The following DCAF10 variants were observed in gnomAD, a reference collection of about 807,000 sequenced individuals.
DCAF10 encodes the protein DDB1- and CUL4-associated factor 10.
DCAF10 carries 19 observed loss-of-function variants against 51.9 expected under a neutral mutation model. That is an observed-to-expected ratio of 0.37 (90% confidence interval 0.26 to 0.54). The LOEUF (loss-of-function observed/expected upper bound fraction) is 0.54. Ranked by LOEUF, DCAF10 falls within the 20% of genes least tolerant of loss-of-function variation. The pLI is 0.87. For missense variants in DCAF10, 510 were observed against 730.6 expected, an observed-to-expected ratio of 0.70 and a Z score of 3.48; for synonymous variants, 291 against 297.1, an observed-to-expected ratio of 0.98 and a Z score of 0.21.
chr9:37,847,817 T>TC, intron 3 of DCAF10, among the ~76,000 whole-genome samples: 2 of 152,194 alleles, frequency 1.3e-5, no homozygotes, highest in Non-Finnish European at 2.9e-5. Flanking sequence ...ATTCACAAGA[T>TC]ATACAATCAA....
chr9:37,806,248 T>C (rs872778), intron 1 of DCAF10, among the ~76,000 whole-genome samples: 27,944 of 152,158 alleles, frequency 0.18, 2,865 homozygotes, highest in African/African-American at 0.26. Context: ...ACAGTTACTG[T>C]CCCAAGCCTG....
intron 5 of DCAF10, chr9:37,858,413 T>G (rs1287608126): frequency 1.3e-5 from 2 of 152,238 alleles, no homozygotes; most frequent in African/African-American, 4.8e-5. Flanking sequence ...AGTCAAGGCT[T>G]CTAATAATCA....
chr9:37,809,565 G>A (rs1389031536), intron 1 of DCAF10, among the ~76,000 whole-genome samples: 2 of 152,262 alleles, frequency 1.3e-5, no homozygotes, highest in African/African-American at 4.8e-5. Flanking sequence ...TCGGCACAGT[G>A]GCTCACACCT....
rs1389578908 is a variant in DCAF10, at chr9:37,862,379, C to A, written c.*871C>A. The A allele has an allele frequency of 6.6e-6, 1 of 152,192 alleles. No individual in the cohort carries two copies. Among genetic ancestry groups the A allele is most frequent in the Non-Finnish European group, 1.5e-5 (1 of 68,006 alleles). The allele number at this position is 152,192 out of a possible 1,614,324, so 9.4% of individuals were successfully genotyped here. A position where few individuals can be genotyped will look rare whatever the true frequency, so the allele number is the denominator to read the frequency against. On this transcript the variant is annotated 3_prime_UTR_variant, in exon 7 of 7. Transcript: ENST00000377724. The stretch of plus-strand genomic sequence containing the variant: ...ATATCTGGCCATAGAGTGATAAGAA[C>A]AATATGACTTAGATTTTCTGTATTT...
chr9:37,831,112 A>C (rs921620737), intron 2 of DCAF10, among the ~76,000 whole-genome samples: 1 of 152,050 alleles, frequency 6.6e-6, no homozygotes, highest in African/African-American at 2.4e-5. Flanking sequence ...AGTCCCAGCT[A>C]CTCGGGAGGC....
chr9:37,801,436 C>G lies in DCAF10; in HGVS notation c.539+31C>G, dbSNP rs181616247. 2 of 1,406,624 alleles carry G rather than the reference C, an allele frequency of 1.4e-6. No individual in the cohort carries two copies. The highest frequency in any genetic ancestry group is 3.0e-5 in the African/African-American group (2 of 66,592). The allele number at this position is 1,406,624 out of a possible 1,614,324, so 87.1% of individuals were successfully genotyped here. On this transcript the variant is annotated intron_variant, in intron 1 of 6. Transcript: ENST00000377724. The surrounding 1 kb of genome is among the most constrained non-coding windows in gnomAD (Gnocchi z 5.5). ...CGCGGCCCCTCGGAGGGCGGGCGCC[C>G]GCCTCCGCCCGGCTCTGCTGCCAGC...
intron 2 of DCAF10, among the ~76,000 whole-genome samples, chr9:37,828,106 T>C (rs1829905224): frequency 6.6e-6 from 1 of 152,162 alleles, no homozygotes; most frequent in African/African-American, 2.4e-5. Flanking sequence ...CAGGCTGGTC[T>C]GACGCTGCTG....
Position 37,861,063 on chromosome 9 carries a change from G to A in DCAF10, c.1312-77G>A. On this transcript the variant is annotated intron_variant, in intron 6 of 6. Coordinates refer to ENST00000377724, the MANE Select transcript of DCAF10 (RefSeq NM_024345.5). The surrounding 1 kb of genome is among the most constrained non-coding windows in gnomAD (Gnocchi z 4.9). Reference sequence around the variant, plus strand: ...TTCTGTGGCTTTGGCAATCTGTTGAGCTTTTTAAAAATAAGGAATATCTGT... The same window carrying A: ...TTCTGTGGCTTTGGCAATCTGTTGAACTTTTTAAAAATAAGGAATATCTGT... The A allele has an allele frequency of 2.0e-6, 3 of 1,499,610 alleles. No homozygotes were observed. Among genetic ancestry groups the A allele is most frequent in the South Asian group, 1.3e-5 (1 of 74,184 alleles). The allele number at this position is 1,499,610 out of a possible 1,614,324, so 92.9% of individuals were successfully genotyped here. A position where few individuals can be genotyped will look rare whatever the true frequency, so the allele number is the denominator to read the frequency against.
intron 2 of DCAF10, among the ~76,000 whole-genome samples, chr9:37,834,003 G>C (rs926608858): frequency 1.3e-5 from 2 of 151,902 alleles, no homozygotes; most frequent in African/African-American, 4.8e-5. Context: ...GCAGTGGTGC[G>C]ATCTCGGCTC....
At chr9:37,860,449 GT>G in intron 6 of DCAF10, 1 of 351,020 alleles carries the variant, frequency 2.8e-6, no homozygotes, top group Non-Finnish European at 5.1e-6. Context: ...CATCAGCTCA[GT>G]TTTTGCCCAG....
chr9:37,823,527 C>A (rs1829765417), intron 2 of DCAF10, among the ~76,000 whole-genome samples: 1 of 151,714 alleles, frequency 6.6e-6, no homozygotes, highest in East Asian at 1.9e-4. Context: ...AACTGTTAAT[C>A]CAGACTAAAG....
chr9:37,835,866 G>C (rs994359431), intron 2 of DCAF10, among the ~76,000 whole-genome samples: 9 of 152,186 alleles, frequency 5.9e-5, no homozygotes, highest in Admixed American at 2.6e-4. Flanking sequence ...TCACAGGTTT[G>C]GTGAAATCCT....
chr9:37,828,691 T>G (rs1829923704), intron 2 of DCAF10, among the ~76,000 whole-genome samples: 1 of 152,046 alleles, frequency 6.6e-6, no homozygotes, highest in Non-Finnish European at 1.5e-5. Context: ...CAATGGAATA[T>G]CCCAAAAACA....
rs1232997398 is a variant in DCAF10, at chr9:37,863,484, A to T, written c.*1976A>T. On this transcript the variant is annotated 3_prime_UTR_variant, in exon 7 of 7. Transcript: ENST00000377724. Reference sequence around the variant, plus strand: ...TGGAATCATTTGCATTATTTGACAAATGAGAGAAGTGACATGACTTGCCTA... The same window carrying T: ...TGGAATCATTTGCATTATTTGACAATTGAGAGAAGTGACATGACTTGCCTA... 2 of 152,200 alleles carry T rather than the reference A, an allele frequency of 1.3e-5. No homozygotes were observed. The highest frequency in any genetic ancestry group is 4.8e-5 in the African/African-American group (2 of 41,456). The allele number at this position is 152,200 out of a possible 1,614,324, so 9.4% of individuals were successfully genotyped here. A position where few individuals can be genotyped will look rare whatever the true frequency, so the allele number is the denominator to read the frequency against.
At chr9:37,838,025 G>GA (rs940763739) in intron 2 of DCAF10, among the ~76,000 whole-genome samples, 33 of 131,268 alleles carry the variant, frequency 2.5e-4, no homozygotes, top group Admixed American at 3.0e-4. Flanking sequence ...CCTGTCTCAA[G>GA]AAAAAAAAAA....
intron 3 of DCAF10, among the ~76,000 whole-genome samples, chr9:37,849,582 T>TA (rs965408481): frequency 8.5e-5 from 13 of 152,140 alleles, no homozygotes; most frequent in African/African-American, 2.2e-4. Flanking sequence ...ACCTCATCTC[T>TA]AAAAAAATTT....
chr9:37,805,332 A>C (rs1829079645), intron 1 of DCAF10, among the ~76,000 whole-genome samples: 1 of 152,012 alleles, frequency 6.6e-6, no homozygotes, highest in Admixed American at 6.6e-5. Flanking sequence ...AAATACAAAA[A>C]AATTAGCCTG....
chr9:37,845,039 T>C (rs1240891932), intron 3 of DCAF10, among the ~76,000 whole-genome samples: 1 of 152,190 alleles, frequency 6.6e-6, no homozygotes, highest in Non-Finnish European at 1.5e-5. Context: ...CACAAACCAT[T>C]TTCCCTGTTC....
intron 1 of DCAF10, among the ~76,000 whole-genome samples, chr9:37,812,612 G>T (rs7039022): frequency 6.6e-6 from 1 of 152,118 alleles, no homozygotes; most frequent in Non-Finnish European, 1.5e-5. Flanking sequence ...ATAAATATGC[G>T]TGTAAATCAA....
Sources: allele counts gnomAD v4.1 joint callset (sites outside exome capture counted in the v4.1 genomes callset), GRCh38; gene constraint gnomAD v4.1.1; non-coding constraint Gnocchi (gnomAD v3.1); transcripts MANE v1.5; gene names NCBI Gene and HGNC (gene_info 2026-07-23, HGNC 2026-07-21).